MSANTD2: variants seen among roughly 807,000 people sequenced by gnomAD.
MSANTD2 encodes Myb/SANT DNA binding domain containing 2, also known as myb/SANT-like DNA-binding domain-containing protein 2.
A neutral mutation model predicts 52.6 loss-of-function variants in MSANTD2; 19 were observed. The observed-to-expected ratio is 0.36, with a 90% CI of 0.25 to 0.53. MSANTD2 has a LOEUF of 0.53. Ranked by LOEUF, MSANTD2 falls within the 20% of genes least tolerant of loss-of-function variation. MSANTD2 has a pLI of 0.91. For missense variants in MSANTD2, 558 were observed against 716.3 expected, an observed-to-expected ratio of 0.78 and a Z score of 2.52; for synonymous variants, 291 against 289.7, an observed-to-expected ratio of 1.00 and a Z score of -0.04.
At chr11:124,776,098 T>G (rs1591450223) in intron 1 of MSANTD2, 2 of 152,348 alleles carry the variant, frequency 1.3e-5, no homozygotes, top group East Asian at 3.9e-4. Context: ...AAATAAGATC[T>G]CTTTTCCCTG....
chr11:124,795,961 G>A (rs923362062), intron 1 of MSANTD2, among the ~76,000 whole-genome samples: 3 of 152,216 alleles, frequency 2.0e-5, no homozygotes, highest in Admixed American at 2.0e-4. Context: ...GTAAGGCAGT[G>A]TCAAACACAT....
At position 124,799,812 on chromosome 11, in the gene MSANTD2, C is replaced by T. The variant is rs1419474976; in HGVS notation, c.510+59G>A. ...TCAGACCGGCCCCCGCCCCCGAGGC[C>T]CGCTTCCCCGCCTTCTCTCTGCCTC... On this transcript the variant is annotated intron_variant, in intron 1 of 3. Transcript: ENST00000374979. 6 of 1,371,328 alleles carry T rather than the reference C, an allele frequency of 4.4e-6. No individual in the cohort carries two copies. In the African/African-American group the frequency reaches 4.5e-5, roughly 10 times the overall value. 84.9% of individuals were successfully genotyped at this position (1,371,328 alleles called of 1,614,324 possible). A position where few individuals can be genotyped will look rare whatever the true frequency, so the allele number is the denominator to read the frequency against.
Position 124,774,662 on chromosome 11 carries a change from A to G in MSANTD2, c.766+57T>C, listed in dbSNP as rs1944668926. 1.2e-5 allele frequency: 19 copies of G among 1,540,062 alleles called. No homozygotes were observed. Among genetic ancestry groups the G allele is most frequent in the Non-Finnish European group, 1.6e-5 (18 of 1,124,524 alleles). On this transcript the variant is annotated intron_variant, in intron 2 of 3. Coordinates refer to ENST00000374979, the MANE Select transcript of MSANTD2 (RefSeq NM_001308027.2). The surrounding 1 kb of genome is among the most constrained non-coding windows in gnomAD (Gnocchi z 5.1). ...ACAGGTAATAAGTACTGGTGCACATACATAAAGGTATATAAATATACACAA... is the reference window on the plus strand; with the variant it reads ...ACAGGTAATAAGTACTGGTGCACATGCATAAAGGTATATAAATATACACAA...
chr11:124,791,569 G>A, intron 1 of MSANTD2: 1 of 1,303,166 alleles, frequency 7.7e-7, no homozygotes, highest in Non-Finnish European at 1.1e-6. Context: ...ATGTGACCCT[G>A]AGCTGCCAGT....
intron 1 of MSANTD2, among the ~76,000 whole-genome samples, chr11:124,782,120 C>G (rs1344923730): frequency 1.3e-5 from 2 of 152,088 alleles, no homozygotes; most frequent in Admixed American, 6.5e-5. Context: ...GTGGAATTGC[C>G]TAAGGTTCTA....
Position 124,799,929 on chromosome 11 carries a change from C to T in MSANTD2, c.452G>A (p.Arg151Gln), listed in dbSNP as rs529936933. 2.5e-6 allele frequency: 4 copies of T among 1,585,114 alleles called. No individual in the cohort carries two copies. Among genetic ancestry groups the T allele is most frequent in the African/African-American group, 1.4e-5 (1 of 73,664 alleles). Residue 151 changes from arginine (R) to glutamine (Q), a missense_variant, in exon 1 of 4, where the codon CGG (arginine) becomes CAG (glutamine). Around this residue, in one of 2 missense-constraint regions of MSANTD2, gnomAD observed 408 missense variants for 573.6 expected, o/e 0.71. Transcript: ENST00000374979. ...PGPAMYERVSRALAELGYERT... is the reference protein window; with the variant it reads ...PGPAMYERVSQALAELGYERT... ...CTCGTAGCCCAGCTCGGCCAGGGCCCGGGACACGCGCTCGTACATGGCTGG... is the reference window on the plus strand; with the variant it reads ...CTCGTAGCCCAGCTCGGCCAGGGCCTGGGACACGCGCTCGTACATGGCTGG...
At chr11:124,799,453 C>A (rs947035983) in intron 1 of MSANTD2, among the ~76,000 whole-genome samples, 9 of 152,236 alleles carry the variant, frequency 5.9e-5, no homozygotes, top group Middle Eastern at 3.2e-3. Context: ...CTCAATGCCC[C>A]CCCCTTCTGC....
At chr11:124,799,761 C>T in intron 1 of MSANTD2, 110 bp downstream of exon 1, 1 of 736,040 alleles carries the variant, frequency 1.4e-6, no homozygotes, top group Non-Finnish European at 2.1e-6. Context: ...GAATCGCCCA[C>T]CGGGCCCCGG....
intron 1 of MSANTD2, chr11:124,791,893 A>G (rs1945344086): frequency 2.6e-6 from 1 of 385,068 alleles, no homozygotes; most frequent in African/African-American, 2.1e-5. Flanking sequence ...CAATTAGAAC[A>G]GAACATATCA....
chr11:124,781,613 T>G (rs1425387603), intron 1 of MSANTD2, among the ~76,000 whole-genome samples: 2 of 152,116 alleles, frequency 1.3e-5, no homozygotes, highest in Non-Finnish European at 2.9e-5. Flanking sequence ...GTCTAATTTA[T>G]GACTCTATTA....
In MSANTD2 at chr11:124,799,893, G is replaced by C. The variant is rs1221599605; in HGVS notation, c.488C>G (p.Ser163Cys). ...LAELGYERTP[S>C]QCRERIKTLR... The stretch of plus-strand genomic sequence containing the variant: ...TACCTTGATGCGCTCCCGGCACTGG[G>C]ACGGGGTCCGCTCGTAGCCCAGCTC... The change falls in exon 1 of 4, where the codon TCC becomes TGC. Residue 163 changes from serine to cysteine, a missense_variant. Physicochemically the swap from Ser to Cys is moderately radical, Grantham distance 112. Around this residue, in one of 2 missense-constraint regions of MSANTD2, gnomAD observed 408 missense variants for 573.6 expected, o/e 0.71. Coordinates refer to ENST00000374979, the MANE Select transcript of MSANTD2 (RefSeq NM_001308027.2). 1 of 1,583,832 alleles carries C rather than the reference G, an allele frequency of 6.3e-7. No homozygotes were observed. Among genetic ancestry groups the C allele is most frequent in the East Asian group, 2.3e-5 (1 of 43,536 alleles).
intron 1 of MSANTD2, among the ~76,000 whole-genome samples, chr11:124,799,591 T>A (rs1043590779): frequency 2.0e-5 from 3 of 149,346 alleles, no homozygotes; most frequent in African/African-American, 7.4e-5. Flanking sequence ...CGGCGCACAA[T>A]GAGAAACTAC....
intron 1 of MSANTD2, among the ~76,000 whole-genome samples, chr11:124,782,596 A>T (rs1945019221): frequency 6.6e-6 from 1 of 152,242 alleles, no homozygotes; most frequent in Non-Finnish European, 1.5e-5. Context: ...TTGGCATATG[A>T]AAATTATCAA....
intron 1 of MSANTD2, chr11:124,784,206 TATTTTC>T: frequency 1.0e-6 from 1 of 985,276 alleles, no homozygotes; most frequent in Non-Finnish European, 1.2e-6. Flanking sequence ...GATTAGAGGC[TATTTTC>T]ATTTGACCTC....
At chr11:124,782,685 T>C (rs1945021607) in intron 1 of MSANTD2, among the ~76,000 whole-genome samples, 1 of 152,210 alleles carries the variant, frequency 6.6e-6, no homozygotes, top group South Asian at 2.1e-4. Context: ...GGATTTTATC[T>C]ATCTTGGTTG....
chr11:124,771,016 G>A (rs554212435), intron 3 of MSANTD2, among the ~76,000 whole-genome samples: 2 of 152,148 alleles, frequency 1.3e-5, no homozygotes, highest in Non-Finnish European at 2.9e-5. Flanking sequence ...ACCGGCATGA[G>A]CCACTGCACC....
chr11:124,783,839 T>C lies in MSANTD2; in HGVS notation c.511-8865A>G, dbSNP rs1945068896. ...AAACATCTTCCATGGCTCAAGGAAC[T>C]CAATTCATGTAACCATAAAGCTTCT... is the stretch of plus-strand genomic sequence containing the variant. On this transcript the variant is annotated intron_variant, in intron 1 of 3. Transcript: ENST00000374979. 5 of 985,406 alleles carry C rather than the reference T, an allele frequency of 5.1e-6. No homozygotes were observed. The African/African-American group carries it at 8.7e-5, about 17-fold the overall frequency. The allele number at this position is 985,406 out of a possible 1,614,324, so 61.0% of individuals were successfully genotyped here. A position where few individuals can be genotyped will look rare whatever the true frequency, so the allele number is the denominator to read the frequency against.
intron 3 of MSANTD2, 113 bp downstream of exon 3, chr11:124,772,881 C>T (rs1944589301): frequency 2.8e-6 from 2 of 705,032 alleles, no homozygotes; most frequent in Non-Finnish European, 5.1e-6. Flanking sequence ...ATAGACATGC[C>T]TCCTTGGTGA....
chr11:124,794,103 C>A (rs1945418682), intron 1 of MSANTD2, among the ~76,000 whole-genome samples: 1 of 152,210 alleles, frequency 6.6e-6, no homozygotes, highest in African/African-American at 2.4e-5. Flanking sequence ...CAGTGGCTAT[C>A]ATACTGAACT....
Sources: gnomAD v4.1 joint callset for allele counts (sites outside exome capture counted in the v4.1 genomes callset) on GRCh38, gnomAD v4.1.1 for gene constraint, gnomAD v4.1.1 regional missense constraint, Gnocchi (gnomAD v3.1) non-coding constraint, MANE v1.5 for transcripts, NCBI Gene and HGNC (gene_info 2026-07-23, HGNC 2026-07-21) for gene names.